Variants in AP3B1 observed in about 807,000 individuals in gnomAD.
The protein encoded by AP3B1 is adaptor related protein complex 3 subunit beta 1.
A neutral mutation model predicts 132.5 loss-of-function variants in AP3B1; 61 were observed. That is an observed-to-expected ratio of 0.46 (90% CI 0.37 to 0.57). The LOEUF is 0.57. Ranked by LOEUF, AP3B1 falls within the 20% of genes least tolerant of loss-of-function variation. The pLI, the probability that AP3B1 is intolerant of heterozygous loss-of-function variation, is 0.00. For synonymous variants in AP3B1, 388 were observed against 438.3 expected (o/e 0.89, Z 1.43); for missense variants, 1,120 against 1,289.4 (o/e 0.87, Z 2.01).
chr5:78,081,400 C>T (rs1046934085), intron 22 of AP3B1, among the ~76,000 whole-genome samples: 2 of 151,140 alleles, frequency 1.3e-5, no homozygotes, highest in African/African-American at 4.9e-5. Context: ...CTCCGCCTCC[C>T]GGGTTCACGC....
Position 78,002,707 on chromosome 5 carries a change from CA to C in AP3B1, c.*194del. 1 of 674,636 alleles carries C rather than the reference CA, an allele frequency of 1.5e-6. No homozygotes were observed. The highest frequency in any genetic ancestry group is 2.6e-5 in the Admixed American group (1 of 38,818). The allele number at this position is 674,636 out of a possible 1,614,324, so 41.8% of individuals were successfully genotyped here. On this transcript the variant is annotated 3_prime_UTR_variant, in exon 27 of 27. Transcript: ENST00000255194. The stretch of plus-strand genomic sequence containing the variant: ...AGTAAAATATATGCTCTTTGGTTAG[CA>C]AAGCAAAAAGGGGGAAAGTATTGCA...
At chr5:78,262,342 G>C (rs1748130150) in intron 2 of AP3B1, among the ~76,000 whole-genome samples, 1 of 151,956 alleles carries the variant, frequency 6.6e-6, no homozygotes. Context: ...TCTTCTAAGA[G>C]TTTTATAGTT....
chr5:78,178,569 C>A (rs1470127505), intron 8 of AP3B1, among the ~76,000 whole-genome samples: 1 of 151,916 alleles, frequency 6.6e-6, no homozygotes, highest in Admixed American at 6.6e-5. Context: ...TGCAGTGAGC[C>A]GAGATCATGC....
intron 17 of AP3B1, among the ~76,000 whole-genome samples, chr5:78,119,819 G>A (rs563563460): frequency 1.8e-4 from 27 of 152,158 alleles, no homozygotes; most frequent in Non-Finnish European, 2.5e-4. Flanking sequence ...GCCAACATTC[G>A]GATTCAGGAA....
At chr5:78,035,614 T>C (rs1747779348) in intron 23 of AP3B1, among the ~76,000 whole-genome samples, 1 of 152,092 alleles carries the variant, frequency 6.6e-6, no homozygotes, top group African/African-American at 2.4e-5. Flanking sequence ...AGAGAGTATT[T>C]GTTCAATGCT....
At chr5:78,103,407 G>A (rs1242725975) in intron 20 of AP3B1, among the ~76,000 whole-genome samples, 1 of 152,128 alleles carries the variant, frequency 6.6e-6, no homozygotes, top group African/African-American at 2.4e-5. Flanking sequence ...CGCAGCATGA[G>A]CCATGGAGCT....
In AP3B1 at chr5:78,120,715, G is replaced by A. The variant is rs1245032080; in HGVS notation, c.1969-4481C>T. 3.3e-5 allele frequency among the ~76,000 whole-genome samples: 5 copies of A among 152,120 alleles called. 1 individual carries two copies. The highest frequency in any genetic ancestry group is 2.6e-4 in the Admixed American group (4 of 15,272). On this transcript the variant is annotated intron_variant, in intron 17 of 26. Transcript: ENST00000255194. ...AAGCAAGTCCTGAGTGACCTACAAA[G>A]AGACTTAGACTCCCACACATTAATA... is the stretch of plus-strand genomic sequence containing the variant.
At chr5:78,149,796 A>G (rs897969178) in intron 14 of AP3B1, among the ~76,000 whole-genome samples, 1 of 152,218 alleles carries the variant, frequency 6.6e-6, no homozygotes, top group Non-Finnish European at 1.5e-5. Flanking sequence ...TACATCTCTC[A>G]TACACAATCT....
chr5:78,247,122 A>T (rs904709786), intron 2 of AP3B1, among the ~76,000 whole-genome samples: 5 of 151,650 alleles, frequency 3.3e-5, no homozygotes, highest in East Asian at 3.9e-4. Flanking sequence ...CAAATATTTT[A>T]AAAAAATTTT....
chr5:78,242,247 G>A (rs945520801), intron 2 of AP3B1, among the ~76,000 whole-genome samples: 1 of 152,032 alleles, frequency 6.6e-6, no homozygotes, highest in Non-Finnish European at 1.5e-5. Flanking sequence ...CTCACTACTA[G>A]AATATTCTCT....
At chr5:78,144,703 G>A (rs1379524060) in intron 14 of AP3B1, among the ~76,000 whole-genome samples, 1 of 152,112 alleles carries the variant, frequency 6.6e-6, no homozygotes, top group Non-Finnish European at 1.5e-5. Context: ...GATACAAAGT[G>A]CTATTTCAAT....
intron 7 of AP3B1, among the ~76,000 whole-genome samples, chr5:78,184,985 G>A (rs1415386288): frequency 6.6e-6 from 1 of 152,150 alleles, no homozygotes; most frequent in Non-Finnish European, 1.5e-5. Flanking sequence ...AAGGAGAAAT[G>A]ACACTTTACC....
intron 24 of AP3B1, among the ~76,000 whole-genome samples, chr5:78,031,293 A>C (rs1315055100): frequency 6.6e-6 from 1 of 152,178 alleles, no homozygotes; most frequent in African/African-American, 2.4e-5. Context: ...GGTTATGTGG[A>C]CATGAAGTTG....
intron 16 of AP3B1, among the ~76,000 whole-genome samples, 158 bp from the exon 17 acceptor site, chr5:78,128,318 T>C (rs1310821077): frequency 2.0e-5 from 3 of 152,112 alleles, no homozygotes; most frequent in Non-Finnish European, 4.4e-5. Context: ...CTGATTTCAG[T>C]CCATAGATTA....
chr5:78,205,978 C>T (rs1437475180), intron 7 of AP3B1, among the ~76,000 whole-genome samples: 1 of 151,456 alleles, frequency 6.6e-6, no homozygotes, highest in Admixed American at 6.6e-5. Flanking sequence ...AGGACATCAA[C>T]CCAAGAAAAC....
At position 78,198,232 on chromosome 5, in the gene AP3B1, T is replaced by C. The variant is rs151238975; in HGVS notation, c.787-16570A>G. Among the ~76,000 whole-genome samples, 164 of 152,310 alleles carry C rather than the reference T, an allele frequency of 1.1e-3. 1 individual carries two copies. The highest frequency in any genetic ancestry group is 3.8e-3 in the African/African-American group (160 of 41,562). On this transcript the variant is annotated intron_variant, in intron 7 of 26. Coordinates refer to ENST00000255194, the MANE Select transcript of AP3B1 (RefSeq NM_003664.5). ...CCAGGATGAAACAATCTCTGCAACC[T>C]GCTGTGGCCTGAGACTCTTGCAAAA...
chr5:78,122,349 C>A (rs1327229136), intron 17 of AP3B1, among the ~76,000 whole-genome samples: 1 of 152,130 alleles, frequency 6.6e-6, no homozygotes, highest in East Asian at 1.9e-4. Context: ...CTGGCCAGGG[C>A]AGTTAGGCAG....
At chr5:78,269,789 A>G (rs1490175285) in intron 1 of AP3B1, among the ~76,000 whole-genome samples, 2 of 152,210 alleles carry the variant, frequency 1.3e-5, no homozygotes, top group Non-Finnish European at 2.9e-5. Context: ...CACATTGAGA[A>G]CCGTGACGGA....
chr5:78,272,048 A>G lies in AP3B1; in HGVS notation c.129-4453T>C, dbSNP rs534280399. On this transcript the variant is annotated intron_variant, in intron 1 of 26. Coordinates refer to ENST00000255194, the MANE Select transcript of AP3B1 (RefSeq NM_003664.5). ...AACATTTGCCATCTATTGTCTCTAA[A>G]GGCAGCCACCTAAGAGACTTCATAA... 4.6e-5 allele frequency among the ~76,000 whole-genome samples: 7 copies of G among 152,322 alleles called. No homozygotes were observed. In the East Asian group the frequency reaches 1.3e-3, roughly 29 times the overall value.
Sources: allele counts gnomAD v4.1 joint callset (sites outside exome capture counted in the v4.1 genomes callset), GRCh38; gene constraint gnomAD v4.1.1; transcripts MANE v1.5; gene names NCBI Gene and HGNC (gene_info 2026-07-23, HGNC 2026-07-21).